Variants in NR3C2 observed in about 807,000 individuals in gnomAD.
NR3C2 encodes the protein mineralocorticoid receptor.
In NR3C2, 15 loss-of-function variants were observed where a neutral mutation model predicts 86.4. The observed-to-expected ratio is 0.17, with a 90% confidence interval of 0.12 to 0.27. NR3C2 has a LOEUF of 0.27. Ranked by LOEUF, NR3C2 falls within the 10% of genes least tolerant of loss-of-function variation. The pLI is 1.00. For missense variants in NR3C2, 960 were observed against 1,195.6 expected (o/e 0.80, Z 2.91); for synonymous variants, 458 against 450.5 (o/e 1.02, Z -0.21).
chr4:148,094,189 G>A (rs548816155), intron 8 of NR3C2, among the ~76,000 whole-genome samples: 3 of 152,218 alleles, frequency 2.0e-5, no homozygotes, highest in African/African-American at 7.2e-5. Flanking sequence ...CAAAAAAGGG[G>A]GAAATAACAG....
At chr4:148,274,084 T>C (rs1283196589) in intron 2 of NR3C2, among the ~76,000 whole-genome samples, 1 of 125,098 alleles carries the variant, frequency 8.0e-6, no homozygotes, top group Non-Finnish European at 1.6e-5. Context: ...AGGCAGCTCA[T>C]GAGAAAAAAA....
At chr4:148,105,907 C>G (rs1165852169) in intron 8 of NR3C2, among the ~76,000 whole-genome samples, 1 of 152,066 alleles carries the variant, frequency 6.6e-6, no homozygotes, top group African/African-American at 2.4e-5. Context: ...TATGACAAAC[C>G]CACAGCCAAT....
At chr4:148,151,113 T>C (rs1383880759) in intron 6 of NR3C2, among the ~76,000 whole-genome samples, 1 of 152,188 alleles carries the variant, frequency 6.6e-6, no homozygotes, top group African/African-American at 2.4e-5. Flanking sequence ...TAATTAATGC[T>C]ACTGAGTTGT....
At chr4:148,108,166 C>T (rs1009750637) in intron 8 of NR3C2, among the ~76,000 whole-genome samples, 1 of 152,002 alleles carries the variant, frequency 6.6e-6, no homozygotes, top group Non-Finnish European at 1.5e-5. Context: ...TGCAGTGGTG[C>T]AATCTTGTCT....
intron 8 of NR3C2, among the ~76,000 whole-genome samples, chr4:148,085,614 C>G (rs1479124713): frequency 6.6e-6 from 1 of 152,072 alleles, no homozygotes; most frequent in Non-Finnish European, 1.5e-5. Flanking sequence ...AATTCAAAAG[C>G]TAGCAGAAGG....
intron 2 of NR3C2, among the ~76,000 whole-genome samples, chr4:148,368,995 C>T (rs371912483): frequency 6.6e-6 from 1 of 152,162 alleles, no homozygotes; most frequent in South Asian, 2.1e-4. Flanking sequence ...CCCTCTTCTA[C>T]CCACTTGCTG....
chr4:148,331,852 C>T (rs944071131), intron 2 of NR3C2, among the ~76,000 whole-genome samples: 5 of 152,188 alleles, frequency 3.3e-5, no homozygotes, highest in South Asian at 2.1e-4. Flanking sequence ...AAACTCAACT[C>T]TCACCTTGGT....
chr4:148,378,711 C>A (rs1746802615), intron 2 of NR3C2, among the ~76,000 whole-genome samples: 1 of 152,194 alleles, frequency 6.6e-6, no homozygotes, highest in African/African-American at 2.4e-5. Context: ...AGAAGCTGGG[C>A]AAATGCTGTC....
chr4:148,161,438 C>T (rs1734656539), intron 4 of NR3C2, among the ~76,000 whole-genome samples: 1 of 151,862 alleles, frequency 6.6e-6, no homozygotes, highest in African/African-American at 2.4e-5. Context: ...CAACCTCCGT[C>T]TCCTGGGTTC....
chr4:148,299,514 G>A (rs55967305), intron 2 of NR3C2, among the ~76,000 whole-genome samples: 6,523 of 152,256 alleles, frequency 0.043, 210 homozygotes, highest in East Asian at 0.085. Context: ...AGCGGCTCCC[G>A]GACCCCTCAC....
intron 6 of NR3C2, among the ~76,000 whole-genome samples, chr4:148,122,866 G>C (rs780896010): frequency 6.6e-6 from 1 of 152,080 alleles, no homozygotes; most frequent in Non-Finnish European, 1.5e-5. Context: ...ATTGTAAAAC[G>C]TGTGTTTGAA....
chr4:148,303,668 A>C (rs1742456355), intron 2 of NR3C2, among the ~76,000 whole-genome samples: 1 of 152,086 alleles, frequency 6.6e-6, no homozygotes, highest in Non-Finnish European at 1.5e-5. Flanking sequence ...AAGTCCTTGG[A>C]AAGAAAACTG....
intron 2 of NR3C2, among the ~76,000 whole-genome samples, chr4:148,417,844 T>A (rs1481401105): frequency 6.6e-6 from 1 of 152,228 alleles, no homozygotes; most frequent in Non-Finnish European, 1.5e-5. Context: ...CTATATATTT[T>A]GCAATCACCT....
At chr4:148,360,417 T>C (rs1745781170) in intron 2 of NR3C2, among the ~76,000 whole-genome samples, 1 of 152,192 alleles carries the variant, frequency 6.6e-6, no homozygotes, top group Non-Finnish European at 1.5e-5. Context: ...CTGCCTTCAG[T>C]GTGCTCATTA....
chr4:148,242,033 G>C (rs1361437854), intron 3 of NR3C2, among the ~76,000 whole-genome samples: 1 of 152,100 alleles, frequency 6.6e-6, no homozygotes, highest in African/African-American at 2.4e-5. Flanking sequence ...TGCATGACAG[G>C]GGCTGGGGGG....
chr4:148,100,144 C>T (rs574062083), intron 8 of NR3C2, among the ~76,000 whole-genome samples: 97 of 152,194 alleles, frequency 6.4e-4, no homozygotes, highest in African/African-American at 2.2e-3. Context: ...TACTTTTTTC[C>T]CTTCTTTAAA....
chr4:148,443,922 G>C (rs1750475498), upstream of NR3C2: 4 of 887,050 alleles, frequency 4.5e-6, no homozygotes, highest in Non-Finnish European at 5.4e-6. Context: ...CCTGGAGATA[G>C]GGGCGACAGC....
intron 2 of NR3C2, among the ~76,000 whole-genome samples, chr4:148,368,077 C>A (rs1186589167): frequency 6.6e-6 from 1 of 152,090 alleles, no homozygotes; most frequent in Non-Finnish European, 1.5e-5. Context: ...TTCCATATCT[C>A]CCTATTGATT....
chr4:148,387,157 T>C (rs1329524427), intron 2 of NR3C2, among the ~76,000 whole-genome samples: 1 of 152,234 alleles, frequency 6.6e-6, no homozygotes, highest in Non-Finnish European at 1.5e-5. Flanking sequence ...TTTTCTTTCC[T>C]GCAGAAAGCT....
Sources: gnomAD v4.1 joint callset for allele counts (sites outside exome capture counted in the v4.1 genomes callset) on GRCh38, gnomAD v4.1.1 for gene constraint, MANE v1.5 for transcripts, NCBI Gene and HGNC (gene_info 2026-07-23, HGNC 2026-07-21) for gene names.